Variants in ERBB4 observed in about 807,000 individuals in gnomAD.
ERBB4 encodes erb-b2 receptor tyrosine kinase 4.
Under a neutral mutation model 158.0 loss-of-function variants are expected in ERBB4, and 42 were observed. The observed-to-expected ratio is 0.27, with a 90% CI of 0.21 to 0.34. The LOEUF (loss-of-function observed/expected upper bound fraction) is 0.34. Among genes scored for constraint, ERBB4 ranks in the 10% least tolerant of loss-of-function variants. The pLI, the probability that ERBB4 is intolerant of heterozygous loss-of-function variation, is 1.00. For missense variants in ERBB4, 1,333 were observed against 1,624.1 expected (o/e 0.82, Z 3.08); for synonymous variants, 583 against 558.7 (o/e 1.04, Z -0.61).
intron 1 of ERBB4, among the ~76,000 whole-genome samples, chr2:212,251,584 A>T (rs987294609): frequency 2.0e-5 from 3 of 152,004 alleles, no homozygotes; most frequent in Non-Finnish European, 2.9e-5. Flanking sequence ...CTAGATGAAG[A>T]AAGTGAGAGA....
chr2:211,883,645 G>C (rs2078721075), intron 3 of ERBB4, among the ~76,000 whole-genome samples: 1 of 151,952 alleles, frequency 6.6e-6, no homozygotes, highest in South Asian at 2.1e-4. Context: ...AATTATCCTG[G>C]CGTTGTCGTG....
chr2:212,356,582 GT>G (rs199936766), intron 1 of ERBB4, among the ~76,000 whole-genome samples: 5 of 151,414 alleles, frequency 3.3e-5, no homozygotes, highest in Admixed American at 6.6e-5. Context: ...CCTAAAGTAG[GT>G]TTTTTTTGTT....
chr2:211,649,367 C>T (rs2070897421), intron 16 of ERBB4, among the ~76,000 whole-genome samples: 11 of 151,772 alleles, frequency 7.2e-5, no homozygotes, highest in Admixed American at 7.2e-4. Flanking sequence ...CTAAAGGTGG[C>T]AAAAACAAGC....
At chr2:211,960,513 G>GGTAACA (rs2081153230) in intron 2 of ERBB4, 1 of 151,946 alleles carries the variant, frequency 6.6e-6, no homozygotes, top group African/African-American at 2.4e-5. Context: ...ACCAGGTAAC[G>GGTAACA]AAATAACAGA....
chr2:211,484,075 T>C (rs2065146465), intron 20 of ERBB4, among the ~76,000 whole-genome samples: 1 of 152,182 alleles, frequency 6.6e-6, no homozygotes, highest in Non-Finnish European at 1.5e-5. Flanking sequence ...TAATACTGTA[T>C]GTGAAGCAGT....
intron 3 of ERBB4, among the ~76,000 whole-genome samples, chr2:211,830,571 T>C (rs2371344): frequency 1.3e-5 from 2 of 152,090 alleles, no homozygotes; most frequent in Non-Finnish European, 2.9e-5. Context: ...AACTTTATAG[T>C]AGCTTCTAAA....
chr2:212,126,880 G>T (rs1326121762), intron 1 of ERBB4, among the ~76,000 whole-genome samples: 1 of 152,116 alleles, frequency 6.6e-6, no homozygotes, highest in African/African-American at 2.4e-5. Context: ...CTTAAAGCCT[G>T]TTTTTGCCTA....
rs116745443 is a variant in ERBB4, at chr2:211,661,292, C to T, written c.1872-3464G>A. Among the ~76,000 whole-genome samples the T allele has an allele frequency of 4.1e-3, 621 of 152,220 alleles. 4 individuals are homozygous for T. The highest frequency in any genetic ancestry group is 0.014 in the African/African-American group (588 of 41,544). On this transcript the variant is annotated intron_variant, in intron 15 of 27. Transcript: ENST00000342788. ...TCTGTAAGCAACTAATTAGTATATGCAATTTGCATCCATTCAGCCAGATCA... is the reference window on the plus strand; with the variant it reads ...TCTGTAAGCAACTAATTAGTATATGTAATTTGCATCCATTCAGCCAGATCA...
intron 20 of ERBB4, among the ~76,000 whole-genome samples, chr2:211,549,255 G>A (rs1218426230): frequency 6.6e-6 from 1 of 152,066 alleles, no homozygotes. Context: ...TGTTGTCTGA[G>A]AAATTGACTT....
intron 1 of ERBB4, among the ~76,000 whole-genome samples, chr2:212,188,392 G>T (rs1559692597): frequency 6.7e-6 from 1 of 150,370 alleles, no homozygotes; most frequent in Non-Finnish European, 1.5e-5. Context: ...TAAATGGTCA[G>T]GGTACACCTC....
chr2:211,857,346 A>G (rs1011220244), intron 3 of ERBB4, among the ~76,000 whole-genome samples: 2 of 152,210 alleles, frequency 1.3e-5, no homozygotes, highest in Admixed American at 6.5e-5. Context: ...AAGTGTTGCT[A>G]TAAGAAACCC....
chr2:212,261,014 C>T (rs990390402), intron 1 of ERBB4, among the ~76,000 whole-genome samples: 1 of 152,028 alleles, frequency 6.6e-6, no homozygotes, highest in African/African-American at 2.4e-5. Flanking sequence ...TCGATCTGGA[C>T]CCAGAATGAG....
chr2:211,601,199 TATC>T, intron 19 of ERBB4, among the ~76,000 whole-genome samples: 1 of 152,144 alleles, frequency 6.6e-6, no homozygotes, highest in South Asian at 2.1e-4. Context: ...TATATGGTAT[TATC>T]ATATACAATA....
At chr2:212,129,957 T>G (rs1258355018) in intron 1 of ERBB4, among the ~76,000 whole-genome samples, 1 of 152,092 alleles carries the variant, frequency 6.6e-6, no homozygotes, top group African/African-American at 2.4e-5. Flanking sequence ...AGAACTGGTT[T>G]GGATAGGCTC....
chr2:212,032,810 C>A (rs1487560409), intron 2 of ERBB4, among the ~76,000 whole-genome samples: 1 of 151,298 alleles, frequency 6.6e-6, no homozygotes, highest in African/African-American at 2.4e-5. Context: ...GAGAGTGGTT[C>A]CTGAAATAAG....
chr2:211,389,334 A>G (rs2062754053), intron 25 of ERBB4, among the ~76,000 whole-genome samples: 2 of 152,186 alleles, frequency 1.3e-5, no homozygotes, highest in South Asian at 4.1e-4. Flanking sequence ...CTTTTAAATG[A>G]AACAGATAAA....
chr2:212,235,666 C>G (rs9751589), intron 1 of ERBB4, among the ~76,000 whole-genome samples: 1 of 151,980 alleles, frequency 6.6e-6, no homozygotes, highest in Non-Finnish European at 1.5e-5. Context: ...TTGTAGTTCT[C>G]CTTGAAGAGT....
chr2:211,953,140 GAA>G (rs2080923135), intron 2 of ERBB4, among the ~76,000 whole-genome samples: 1 of 151,930 alleles, frequency 6.6e-6, no homozygotes, highest in Non-Finnish European at 1.5e-5. Context: ...GTTTTCCAAG[GAA>G]AATAATTTTA....
chr2:212,525,261 T>C (rs760725233), intron 1 of ERBB4, among the ~76,000 whole-genome samples: 2 of 152,028 alleles, frequency 1.3e-5, no homozygotes, highest in Non-Finnish European at 2.9e-5. Context: ...TGGAAAACAT[T>C]TCACCTTGAC....
Sources: allele counts gnomAD v4.1 joint callset (sites outside exome capture counted in the v4.1 genomes callset), GRCh38; gene constraint gnomAD v4.1.1; transcripts MANE v1.5; gene names NCBI Gene and HGNC (gene_info 2026-07-23, HGNC 2026-07-21).